The following SHC3 variants were observed in gnomAD, a reference collection of about 807,000 sequenced individuals.
SHC3 encodes SHC-transforming protein 3.
SHC3 carries 15 observed loss-of-function variants against 60.4 expected under a neutral mutation model. The observed-to-expected ratio is 0.25, with a 90% CI of 0.17 to 0.38. The LOEUF (loss-of-function observed/expected upper bound fraction) is 0.38, where lower values mean the gene tolerates loss of function less well. SHC3 is among the 10% of genes least tolerant of loss of function. The probability of loss-of-function intolerance (pLI) is 1.00; values close to 1 mark genes in which losing one functional copy is unlikely to be tolerated. For missense variants in SHC3, 677 were observed against 786.1 expected, an observed-to-expected ratio of 0.86 and a Z score of 1.66; for synonymous variants, 294 against 325.9, an observed-to-expected ratio of 0.90 and a Z score of 1.05.
At chr9:89,083,330 T>C (rs892799550) in intron 2 of SHC3, among the ~76,000 whole-genome samples, 7 of 152,038 alleles carry the variant, frequency 4.6e-5, no homozygotes, top group Admixed American at 6.5e-5. Context: ...TGGAGGAAGA[T>C]CCTATAAAAA....
rs1158438635 is a variant in SHC3, at chr9:89,006,186, G to T, written c.*7261C>A. 1 of 152,206 alleles carries T rather than the reference G, an allele frequency of 6.6e-6. No homozygotes were observed. The highest frequency in any genetic ancestry group is 6.5e-5 in the Admixed American group (1 of 15,286). The allele number at this position is 152,206 out of a possible 1,614,324, so 9.4% of individuals were successfully genotyped here. On this transcript the variant is annotated 3_prime_UTR_variant, in exon 12 of 12. Coordinates refer to ENST00000375835, the MANE Select transcript of SHC3 (RefSeq NM_016848.6). ...ATGACACCTGGGGATGCGATGCCGT[G>T]CCTGCACTTGGCGATCCCAGGAGCA...
At chr9:89,096,008 G>A (rs1019436214) in intron 2 of SHC3, among the ~76,000 whole-genome samples, 1 of 152,172 alleles carries the variant, frequency 6.6e-6, no homozygotes, top group Admixed American at 6.5e-5. Flanking sequence ...AGGCTCTGTG[G>A]GCGTCTGGCC....
chr9:89,019,429 GA>G (rs953152564), intron 11 of SHC3, among the ~76,000 whole-genome samples: 8 of 151,138 alleles, frequency 5.3e-5, no homozygotes, highest in Non-Finnish European at 1.0e-4. Context: ...AGATAGAAAA[GA>G]AAAAAAAGGC....
intron 4 of SHC3, 152 bp downstream of exon 4, chr9:89,074,957 G>A (rs1032976231): frequency 3.3e-6 from 3 of 911,720 alleles, no homozygotes; most frequent in African/African-American, 3.4e-5. Context: ...CATTCTCTTG[G>A]TGATCCTTCA....
chr9:89,081,121 C>G (rs1035502019), intron 2 of SHC3, among the ~76,000 whole-genome samples: 4 of 151,774 alleles, frequency 2.6e-5, no homozygotes, highest in Non-Finnish European at 4.4e-5. Flanking sequence ...AATCCAGAAG[C>G]CATAAAAGAA....
At chr9:89,116,325 C>T (rs1564155995) in intron 1 of SHC3, among the ~76,000 whole-genome samples, 1 of 152,134 alleles carries the variant, frequency 6.6e-6, no homozygotes, top group Non-Finnish European at 1.5e-5. Context: ...CCATGACAAA[C>T]TTTGCAGTCT....
chr9:89,014,635 T>G (rs1826065650), intron 11 of SHC3, among the ~76,000 whole-genome samples: 1 of 152,104 alleles, frequency 6.6e-6, no homozygotes, highest in Admixed American at 6.5e-5. Flanking sequence ...CTCCTCGCCC[T>G]CCTGCAGGGA....
intron 6 of SHC3, 36 bp downstream of exon 6, chr9:89,065,493 A>G: frequency 6.2e-7 from 1 of 1,611,874 alleles, no homozygotes; most frequent in Non-Finnish European, 8.5e-7. Flanking sequence ...CTGGCTGTAC[A>G]CAAACAAGAG....
At chr9:89,113,549 G>A (rs774907454) in intron 1 of SHC3, among the ~76,000 whole-genome samples, 2 of 152,124 alleles carry the variant, frequency 1.3e-5, no homozygotes, top group Admixed American at 6.5e-5. Flanking sequence ...ATTGGAGGCT[G>A]GCTTTGTCAT....
chr9:89,077,168 C>G (rs1348807947), intron 3 of SHC3, among the ~76,000 whole-genome samples: 1 of 150,626 alleles, frequency 6.6e-6, no homozygotes, highest in Non-Finnish European at 1.5e-5. Flanking sequence ...TAGAGCGAGA[C>G]TCTGTCTCAA....
chr9:89,138,863 G>A (rs995425038), intron 1 of SHC3, among the ~76,000 whole-genome samples: 2 of 152,064 alleles, frequency 1.3e-5, no homozygotes, highest in Non-Finnish European at 2.9e-5. Flanking sequence ...GCTCTGTCAG[G>A]AGGCATCAGT....
chr9:89,058,743 CGGTGGTGGAGGAT>C (rs1415326630), intron 6 of SHC3, among the ~76,000 whole-genome samples: 7 of 92,844 alleles, frequency 7.5e-5, no homozygotes, highest in African/African-American at 8.7e-5. Flanking sequence ...TGGTGAAGGG[CGGTGGTGGAGGAT>C]GGTGGTGGAG....
chr9:89,075,376 G>T, intron 3 of SHC3, 148 bp from the exon 4 acceptor site: 1 of 1,079,490 alleles, frequency 9.3e-7, no homozygotes, highest in Non-Finnish European at 1.3e-6. Flanking sequence ...TAAGCTGGGA[G>T]TAGGGGGATC....
chr9:89,047,116 C>G (rs143022262), intron 7 of SHC3, 122 bp from the exon 8 acceptor site: 1 of 979,166 alleles, frequency 1.0e-6, no homozygotes, highest in African/African-American at 1.6e-5. Flanking sequence ...CCTCAGCCAT[C>G]CAGGTCTCAT....
chr9:89,034,264 ACATATCCC>A, intron 11 of SHC3, among the ~76,000 whole-genome samples: 1 of 152,248 alleles, frequency 6.6e-6, no homozygotes, highest in African/African-American at 2.4e-5. Flanking sequence ...AGATTCCTAG[ACATATCCC>A]AGCTGCCAAA....
chr9:89,052,037 C>A lies in SHC3; in HGVS notation c.962G>T (p.Arg321Leu), dbSNP rs771029388. Residue 321 changes from arginine (R) to leucine (L), a missense_variant and splice_region_variant, in exon 7 of 12, where the codon CGA becomes CTA. Coordinates refer to ENST00000375835, the MANE Select transcript of SHC3 (RefSeq NM_016848.6). The stretch of plus-strand genomic sequence containing the variant: ...CAAATGGTGTCACAGCACTACTCAC[C>A]GATCATGGAGAGCGGGAATCTTGGT... ...CPTKIPALHD[R>L]MQSLDEPWTE... is the part of the protein sequence containing the mutation. The A allele has an allele frequency of 4.3e-6, 7 of 1,613,294 alleles. No homozygotes were observed. Among genetic ancestry groups the A allele is most frequent in the Non-Finnish European group, 5.9e-6 (7 of 1,179,500 alleles).
At chr9:89,019,424 G>T (rs1240138518) in intron 11 of SHC3, among the ~76,000 whole-genome samples, 1 of 151,186 alleles carries the variant, frequency 6.6e-6, no homozygotes, top group Non-Finnish European at 1.5e-5. Flanking sequence ...CAGTAAGATA[G>T]AAAAGAAAAA....
chr9:89,025,473 C>G (rs1047149885), intron 11 of SHC3, among the ~76,000 whole-genome samples: 1 of 152,216 alleles, frequency 6.6e-6, no homozygotes, highest in Non-Finnish European at 1.5e-5. Flanking sequence ...CATCAGCCCC[C>G]AGGCCTGCAA....
chr9:89,150,641 G>A (rs1826532987), intron 1 of SHC3, among the ~76,000 whole-genome samples: 1 of 152,116 alleles, frequency 6.6e-6, no homozygotes, highest in Non-Finnish European at 1.5e-5. Context: ...CTATTTGGGG[G>A]CTATTGTAAA....
Sources: gnomAD v4.1 joint callset for allele counts (sites outside exome capture counted in the v4.1 genomes callset) on GRCh38, gnomAD v4.1.1 for gene constraint, MANE v1.5 for transcripts, NCBI Gene and HGNC (gene_info 2026-07-23, HGNC 2026-07-21) for gene names.